Variants in PMPCB observed in about 807,000 individuals in gnomAD.
PMPCB encodes mitochondrial-processing peptidase subunit beta.
PMPCB carries 46 observed loss-of-function variants against 61.5 expected under a neutral mutation model. The observed-to-expected ratio is 0.75, with a 90% CI of 0.59 to 0.96. PMPCB has a LOEUF of 0.96. PMPCB is among the 40% of genes least tolerant of loss of function. The pLI is 0.00. For synonymous variants in PMPCB, 191 were observed against 201.6 expected, an observed-to-expected ratio of 0.95 and a Z score of 0.44; for missense variants, 590 against 602.4, an observed-to-expected ratio of 0.98 and a Z score of 0.22.
intron 12 of PMPCB, among the ~76,000 whole-genome samples, chr7:103,326,225 A>G (rs1429071637): frequency 6.6e-6 from 1 of 152,104 alleles, no homozygotes; most frequent in Non-Finnish European, 1.5e-5. Flanking sequence ...TGATCCGTCC[A>G]CCTCGGCCTT....
At chr7:103,324,139 G>A (rs1003289997) in intron 12 of PMPCB, among the ~76,000 whole-genome samples, 3 of 152,104 alleles carry the variant, frequency 2.0e-5, no homozygotes, top group Admixed American at 6.5e-5. Flanking sequence ...TAACTATTGC[G>A]CATATTAAAA....
downstream of PMPCB, among the ~76,000 whole-genome samples, chr7:103,332,026 G>A (rs1456691126): frequency 1.4e-5 from 2 of 145,944 alleles, no homozygotes; most frequent in African/African-American, 5.1e-5. Context: ...TTTTTTTGAG[G>A]CGGAGTCTTG....
At position 103,303,996 on chromosome 7, in the gene PMPCB, T is replaced by C; in HGVS notation, c.612T>C (p.Asn204=). The C allele has an allele frequency of 1.2e-6, 2 of 1,614,050 alleles. No individual in the cohort carries two copies. Among genetic ancestry groups the C allele is most frequent in the African/African-American group, 1.3e-5 (1 of 75,046 alleles). The part of the protein sequence containing the change: ...FDYLHATAYQ[N]TALGRTILGP... ...ATCTTCATGCCACAGCTTATCAAAA[T>C]ACTGCACTTGGACGGACAATTTTGG... Residue 204 remains asparagine, a synonymous_variant, in exon 5 of 13, where the codon AAT becomes AAC. Transcript: ENST00000249269.
At chr7:103,298,048 T>C in intron 1 of PMPCB, 1 of 613,664 alleles carries the variant, frequency 1.6e-6, no homozygotes, top group Non-Finnish European at 2.2e-6. Flanking sequence ...AAAGAAAAAC[T>C]GCTGAAAGGC....
At chr7:103,307,875 AACC>A (rs1270815430) in intron 7 of PMPCB, among the ~76,000 whole-genome samples, 167 bp downstream of exon 7, 1 of 152,274 alleles carries the variant, frequency 6.6e-6, no homozygotes, top group Non-Finnish European at 1.5e-5. Context: ...CGTATTCTTT[AACC>A]ACCTATTTTT....
chr7:103,317,102 A>C (rs1041845578), downstream of PMPCB: 3 of 1,145,858 alleles, frequency 2.6e-6, no homozygotes, highest in Middle Eastern at 2.1e-4. Context: ...GTGGTCCTCA[A>C]CTCTCAATGT....
downstream of PMPCB, among the ~76,000 whole-genome samples, chr7:103,334,484 G>A (rs1051635525): frequency 8.6e-5 from 13 of 151,748 alleles, 1 homozygote; most frequent in African/African-American, 3.1e-4. Context: ...AATGAGGCAG[G>A]AGAACCACTT....
downstream of PMPCB, among the ~76,000 whole-genome samples, chr7:103,318,904 A>G (rs952442426): frequency 6.6e-6 from 1 of 152,212 alleles, no homozygotes; most frequent in African/African-American, 2.4e-5. Context: ...ACTTAAATCA[A>G]CAACAGCACC....
the PMPCB span, among the ~76,000 whole-genome samples, chr7:103,334,943 C>A: frequency 6.6e-6 from 1 of 152,088 alleles, no homozygotes; most frequent in Non-Finnish European, 1.5e-5. Context: ...AAGCGGTTCT[C>A]GTGCCGCAGC....
chr7:103,309,967 T>G (rs749020071), intron 8 of PMPCB, among the ~76,000 whole-genome samples: 12 of 152,226 alleles, frequency 7.9e-5, no homozygotes, highest in Non-Finnish European at 8.8e-5. Flanking sequence ...CTAAATAATC[T>G]TAAGCTTCAT....
chr7:103,339,337 C>T, the PMPCB span, among the ~76,000 whole-genome samples: 1 of 152,188 alleles, frequency 6.6e-6, no homozygotes, highest in South Asian at 2.1e-4. Flanking sequence ...CTGATACAAT[C>T]TACTTCTTTC....
chr7:103,332,643 G>C (rs949929698), downstream of PMPCB, among the ~76,000 whole-genome samples: 2 of 151,392 alleles, frequency 1.3e-5, no homozygotes, highest in Admixed American at 6.6e-5. Context: ...TTGCGGGGGA[G>C]GGGATGGGGA....
intron 12 of PMPCB, chr7:103,322,933 A>ATT (rs375301640): frequency 4.5e-4 from 260 of 579,302 alleles, no homozygotes; most frequent in Non-Finnish European, 5.3e-4. Context: ...TTAAACAATG[A>ATT]TTTTTTTTTT....
chr7:103,342,864 T>G, the PMPCB span, among the ~76,000 whole-genome samples: 55 of 152,208 alleles, frequency 3.6e-4, no homozygotes, highest in African/African-American at 1.3e-3. Context: ...CACCTCGGCC[T>G]GCCAAAATGC....
At chr7:103,305,751 T>G (rs1158915171) in intron 6 of PMPCB, among the ~76,000 whole-genome samples, 1 of 152,250 alleles carries the variant, frequency 6.6e-6, no homozygotes, top group Non-Finnish European at 1.5e-5. Flanking sequence ...TCATTGTAGC[T>G]ACCTTCATTG....
rs781412502 is a variant in PMPCB, at chr7:103,314,528, TAAGA to T, written c.*2262_*2265del. 98 of 985,236 alleles carry T rather than the reference TAAGA, an allele frequency of 9.9e-5. No individual in the cohort carries two copies. Among genetic ancestry groups the T allele is most frequent in the Non-Finnish European group, 1.2e-4 (97 of 829,924 alleles). 61.0% of individuals were successfully genotyped at this position (985,236 alleles called of 1,614,324 possible). ...CCTCCAACATGGAAACAAGTCCCCC[TAAGA>T]AAGAGCTGAGACTAGTGTGCTAATA... On this transcript the variant is annotated 3_prime_UTR_variant, in exon 13 of 13. Coordinates refer to ENST00000249269, the MANE Select transcript of PMPCB (RefSeq NM_004279.3).
At chr7:103,341,712 G>A in the PMPCB span, 2 of 1,390,068 alleles carry the variant, frequency 1.4e-6, no homozygotes, top group South Asian at 1.5e-5. Context: ...TAAGAAAATT[G>A]TCTATGTCTA....
At chr7:103,332,032 T>C (rs1818995284), downstream of PMPCB, among the ~76,000 whole-genome samples, 1 of 149,096 alleles carries the variant, frequency 6.7e-6, no homozygotes, top group African/African-American at 2.5e-5. Context: ...TGAGGCGGAG[T>C]CTTGCTCTGT....
intron 12 of PMPCB, among the ~76,000 whole-genome samples, chr7:103,323,121 G>C (rs1308095330): frequency 6.6e-6 from 1 of 152,076 alleles, no homozygotes; most frequent in East Asian, 1.9e-4. Context: ...GTAGAGACAG[G>C]GTTTCGCCAT....
Sources: allele counts gnomAD v4.1 joint callset (sites outside exome capture counted in the v4.1 genomes callset), GRCh38; gene constraint gnomAD v4.1.1; transcripts MANE v1.5; gene names NCBI Gene and HGNC (gene_info 2026-07-23, HGNC 2026-07-21).